The following GRID2 variants were observed in gnomAD, a reference collection of about 807,000 sequenced individuals.
The protein encoded by GRID2 is glutamate receptor ionotropic, delta-2.
A neutral mutation model predicts 114.8 loss-of-function variants in GRID2; 33 were observed. The ratio of observed to expected loss-of-function variants is 0.29; its 90% CI spans 0.22 to 0.38. GRID2 has a LOEUF of 0.38. GRID2 is among the 10% of genes least tolerant of loss of function. The pLI, the probability that GRID2 is intolerant of heterozygous loss-of-function variation, is 1.00. For missense variants in GRID2, 1,184 were observed against 1,257.7 expected, an observed-to-expected ratio of 0.94 and a Z score of 0.89; for synonymous variants, 505 against 449.9, an observed-to-expected ratio of 1.12 and a Z score of -1.55.
At chr4:93,582,169 G>T (rs1737046135) in intron 13 of GRID2, among the ~76,000 whole-genome samples, 1 of 152,068 alleles carries the variant, frequency 6.6e-6, no homozygotes, top group Non-Finnish European at 1.5e-5. Context: ...TTTTAGGAGA[G>T]AGCCCATTCC....
intron 11 of GRID2, among the ~76,000 whole-genome samples, chr4:93,480,512 G>A (rs1725746244): frequency 6.6e-6 from 1 of 152,006 alleles, no homozygotes. Context: ...TGTAAATTAT[G>A]TAAATAGAGG....
chr4:93,127,460 G>C (rs1415352597), intron 4 of GRID2, among the ~76,000 whole-genome samples: 2 of 152,192 alleles, frequency 1.3e-5, no homozygotes, highest in Admixed American at 6.5e-5. Context: ...GAAATGACTT[G>C]ATTCTCAACA....
At chr4:93,344,548 T>C (rs182785771) in intron 8 of GRID2, among the ~76,000 whole-genome samples, 86 of 151,146 alleles carry the variant, frequency 5.7e-4, no homozygotes, top group African/African-American at 1.9e-3. Flanking sequence ...ACATCTATTG[T>C]TGCACATACT....
chr4:93,613,707 C>G (rs1741237098), intron 13 of GRID2, among the ~76,000 whole-genome samples: 2 of 146,204 alleles, frequency 1.4e-5, no homozygotes, highest in East Asian at 2.0e-4. Flanking sequence ...AACCACTGCT[C>G]TCTTCAAAGC....
At chr4:92,649,310 A>G (rs1731810065) in intron 2 of GRID2, among the ~76,000 whole-genome samples, 1 of 150,028 alleles carries the variant, frequency 6.7e-6, no homozygotes, top group South Asian at 2.1e-4. Flanking sequence ...TGAAGGCTTG[A>G]GAACCAGACG....
chr4:93,405,375 C>T (rs1040151329), intron 9 of GRID2, among the ~76,000 whole-genome samples: 1 of 152,128 alleles, frequency 6.6e-6, no homozygotes, highest in Non-Finnish European at 1.5e-5. Flanking sequence ...CACACCAATT[C>T]TTGAAATGAT....
intron 1 of GRID2, among the ~76,000 whole-genome samples, chr4:92,438,823 A>G (rs1486907834): frequency 2.0e-5 from 3 of 152,186 alleles, no homozygotes; most frequent in African/African-American, 7.2e-5. Context: ...TCTTTTACCA[A>G]TGTCCCCTGT....
intron 2 of GRID2, chr4:92,702,307 ACTTTATAATCAGAGGTTCAATGAAT>A (rs1387738740): frequency 1.3e-5 from 2 of 152,120 alleles, no homozygotes; most frequent in Admixed American, 6.5e-5. Context: ...AAAATGTAAA[ACTTTATAATCAGAGGTTCAATGAAT>A]CTTCTTAACA....
Position 92,980,293 on chromosome 4 carries a change from C to A in GRID2, c.245-104702C>A, listed in dbSNP as rs1754111321. 2.0e-5 allele frequency among the ~76,000 whole-genome samples: 3 copies of A among 151,776 alleles called. No homozygotes were observed. In the South Asian group the frequency reaches 6.2e-4, roughly 31 times the overall value. ...CATAGTCATGCCATCTACTTATTTG[C>A]ACTTGAGGTTCAGAAAAAAAATGTT... On this transcript the variant is annotated intron_variant, in intron 2 of 15. Coordinates refer to ENST00000282020, the MANE Select transcript of GRID2 (RefSeq NM_001510.4).
chr4:93,134,425 A>G (rs945146897), intron 4 of GRID2, among the ~76,000 whole-genome samples: 7 of 152,084 alleles, frequency 4.6e-5, no homozygotes, highest in African/African-American at 9.7e-5. Context: ...CCTAATAGCA[A>G]TTTTCTGAGT....
At chr4:92,860,712 G>A (rs1744472079) in intron 2 of GRID2, among the ~76,000 whole-genome samples, 1 of 152,104 alleles carries the variant, frequency 6.6e-6, no homozygotes, top group Admixed American at 6.5e-5. Flanking sequence ...CAACAAGTAT[G>A]TAATTTCCAT....
chr4:92,809,085 T>C (rs181036183), intron 2 of GRID2, among the ~76,000 whole-genome samples: 5 of 152,112 alleles, frequency 3.3e-5, no homozygotes, highest in East Asian at 1.9e-4. Context: ...TGCCAAAATA[T>C]TAATATAATA....
At chr4:92,690,201 A>T (rs1016833511) in intron 2 of GRID2, among the ~76,000 whole-genome samples, 2 of 122,652 alleles carry the variant, frequency 1.6e-5, no homozygotes, top group Non-Finnish European at 3.7e-5. Context: ...CTGAAAGTTT[A>T]AAAAAAAAAA....
chr4:93,156,660 G>A (rs1737213771), intron 4 of GRID2, among the ~76,000 whole-genome samples: 1 of 151,654 alleles, frequency 6.6e-6, no homozygotes, highest in African/African-American at 2.4e-5. Context: ...CTTTGGCAAG[G>A]GTGGAAATGG....
intron 2 of GRID2, among the ~76,000 whole-genome samples, chr4:92,799,912 G>A (rs1021481746): frequency 7.9e-5 from 12 of 151,804 alleles, no homozygotes; most frequent in Non-Finnish European, 1.5e-4. Context: ...TAATGCCTAG[G>A]GATGCTTAAA....
At chr4:93,647,487 AAGTGTCCTGTCCACAGGGAC>A (rs1310058381) in intron 14 of GRID2, among the ~76,000 whole-genome samples, 10 of 152,174 alleles carry the variant, frequency 6.6e-5, no homozygotes, top group Non-Finnish European at 1.3e-4. Flanking sequence ...CTTGTGACAG[AAGTGTCCTGTCCACAGGGAC>A]AGAGGTAATA....
At chr4:93,354,108 C>T (rs761054156) in intron 8 of GRID2, among the ~76,000 whole-genome samples, 3 of 151,836 alleles carry the variant, frequency 2.0e-5, no homozygotes, top group Non-Finnish European at 4.4e-5. Flanking sequence ...AGCAACTCTA[C>T]AAAGTTGATG....
chr4:93,233,414 C>T (rs1746384965), intron 7 of GRID2, among the ~76,000 whole-genome samples: 2 of 151,376 alleles, frequency 1.3e-5, no homozygotes, highest in South Asian at 2.1e-4. Context: ...GTGATCTCAG[C>T]TCACTGCAAC....
chr4:93,095,438 A>T (rs1731130997), intron 3 of GRID2, among the ~76,000 whole-genome samples: 2 of 152,080 alleles, frequency 1.3e-5, no homozygotes, highest in South Asian at 4.1e-4. Flanking sequence ...CACACACAAA[A>T]AATATTCTAC....
Sources: allele counts gnomAD v4.1 joint callset (sites outside exome capture counted in the v4.1 genomes callset), GRCh38; gene constraint gnomAD v4.1.1; transcripts MANE v1.5; gene names NCBI Gene and HGNC (gene_info 2026-07-23, HGNC 2026-07-21).